INTS1: variants seen among roughly 807,000 people sequenced by gnomAD.
INTS1 encodes the protein integrator complex subunit 1.
Under a neutral mutation model 241.6 loss-of-function variants are expected in INTS1, and 137 were observed. The observed-to-expected ratio is 0.57, with a 90% CI of 0.49 to 0.65. The LOEUF is 0.65. Ranked by LOEUF, INTS1 falls within the 30% of genes least tolerant of loss-of-function variation. The pLI is 0.00. For missense variants in INTS1, 3,073 were observed against 3,032.2 expected, an observed-to-expected ratio of 1.01 and a Z score of -0.32; for synonymous variants, 1,692 against 1,337.8, an observed-to-expected ratio of 1.26 and a Z score of -5.78.
rs755457343 is a variant in INTS1, at chr7:1,492,966, G to A, written c.2165+44C>T. On this transcript the variant is annotated intron_variant, in intron 16 of 47. Transcript: ENST00000404767. The stretch of plus-strand genomic sequence containing the variant: ...CCCGGGTGGGAGTGGGGAGCGGGGC[G>A]CGGGCTTACCCGGGCGGGAGTGGGG... 2.6e-5 allele frequency: 39 copies of A among 1,484,812 alleles called. 1 individual carries two copies. The highest frequency in any genetic ancestry group is 1.0e-4 in the Admixed American group (6 of 58,818). 92.0% of individuals were successfully genotyped at this position (1,484,812 alleles called of 1,614,324 possible).
intron 45 of INTS1, 54 bp from the exon 46 acceptor site, chr7:1,471,278 G>A (rs1418056053): frequency 1.3e-6 from 2 of 1,512,478 alleles, no homozygotes. Flanking sequence ...CCCCCATCAA[G>A]GCCCCTTCAC....
At chr7:1,475,802 CCCACAGGG>C in intron 39 of INTS1, 138 bp downstream of exon 39, 1 of 1,041,936 alleles carries the variant, frequency 9.6e-7, no homozygotes, top group Non-Finnish European at 1.4e-6. Context: ...CGCAGACAAA[CCCACAGGG>C]CCACAGGGCG....
rs766568289 is a variant in INTS1, at chr7:1,499,933, A to T, written c.635T>A (p.Leu212His). The T allele has an allele frequency of 6.2e-7, 1 of 1,613,690 alleles. No individual in the cohort carries two copies. The highest frequency in any genetic ancestry group is 8.5e-7 in the Non-Finnish European group (1 of 1,179,830). ...SLVSVLACNL[L>H]MAAYEEDENW... ...CTCGTCCTCCTCGTAGGCGGCCATG[A>T]GGAGGTTACAGGCCAGCACAGACAC... The change falls in exon 5 of 48, where the codon CTC (leucine) becomes CAC (histidine). Residue 212 changes from leucine (L) to histidine (H), a missense_variant. By Grantham distance (99) the Leu-to-His change is moderately conservative. Transcript: ENST00000404767.
intron 12 of INTS1, 33 bp from the exon 13 acceptor site, chr7:1,495,586 G>T (rs780087135): frequency 4.5e-5 from 72 of 1,592,754 alleles, no homozygotes; most frequent in Non-Finnish European, 6.1e-5. Flanking sequence ...TGGCCCATCC[G>T]AGCCATGGGC....
chr7:1,497,451 G>A lies in INTS1; in HGVS notation c.1426-137C>T. 1.2e-6 allele frequency: 1 copy of A among 842,364 alleles called. No individual in the cohort carries two copies. The highest frequency in any genetic ancestry group is 1.8e-6 in the Non-Finnish European group (1 of 567,526). The allele number at this position is 842,364 out of a possible 1,614,324, so 52.2% of individuals were successfully genotyped here. The stretch of plus-strand genomic sequence containing the variant: ...AGACAGTGTGGGGTGCGGGGTGGCG[G>A]GCTCCTTGCTCTACTGGCTGCCAGC... On this transcript the variant is annotated intron_variant, in intron 10 of 47. Coordinates refer to ENST00000404767, the MANE Select transcript of INTS1 (RefSeq NM_001080453.3). The surrounding 1 kb of genome is among the most constrained non-coding windows in gnomAD (Gnocchi z 5.3).
Position 1,481,325 on chromosome 7 carries a change from G to A in INTS1, c.3850+17C>T, listed in dbSNP as rs1781984127. 8 of 1,612,476 alleles carry A rather than the reference G, an allele frequency of 5.0e-6. No homozygotes were observed. The highest frequency in any genetic ancestry group is 1.7e-5 in the Admixed American group (1 of 59,956). On this transcript the variant is annotated intron_variant, in intron 28 of 47. Transcript: ENST00000404767. This position sits in a 1 kb window ranked among gnomAD's most constrained non-coding sequence, Gnocchi z 6.8. ...TCAGCGTGTGTGAACCCACTCCGCAGGTCCCTGGCATCTTACTCTTGTCCA... is the reference window on the plus strand; with the variant it reads ...TCAGCGTGTGTGAACCCACTCCGCAAGTCCCTGGCATCTTACTCTTGTCCA...
At position 1,476,347 on chromosome 7, in the gene INTS1, C is replaced by T. The variant is rs753639397; in HGVS notation, c.5260G>A (p.Ala1754Thr). 2.7e-5 allele frequency: 42 copies of T among 1,578,838 alleles called. No individual in the cohort carries two copies. The highest frequency in any genetic ancestry group is 1.7e-4 in the Middle Eastern group (1 of 6,044). The stretch of plus-strand genomic sequence containing the variant: ...AGCCGGGCCTGGATGAGGCTGCAGG[C>T]GGCTGTGTCCCCGTCCTGGCTCCGC... The part of the protein sequence containing the change: ...ETRSQDGDTA[A>T]CSLIQARLPL... The change falls in exon 38 of 48, where the codon GCC (alanine) becomes ACC (threonine). Residue 1754 changes from alanine to threonine, a missense_variant. Physicochemically the swap from Ala to Thr is moderately conservative, Grantham distance 58 (BLOSUM62 0). Coordinates refer to ENST00000404767, the MANE Select transcript of INTS1 (RefSeq NM_001080453.3).
At chr7:1,494,592 T>G in intron 14 of INTS1, 4 of 590,248 alleles carry the variant, frequency 6.8e-6, no homozygotes, top group South Asian at 3.9e-5. Context: ...GGGCTTGGAG[T>G]CACGTGGACG....
At chr7:1,501,872 A>T (rs768811140) in intron 3 of INTS1, among the ~76,000 whole-genome samples, 1 of 152,162 alleles carries the variant, frequency 6.6e-6, no homozygotes, top group African/African-American at 2.4e-5. Flanking sequence ...TGCCCAGGCC[A>T]GGCCAGGCCT....
chr7:1,496,087 G>C (rs2128542837), intron 12 of INTS1, 69 bp downstream of exon 12: 1 of 1,264,988 alleles, frequency 7.9e-7, no homozygotes, highest in East Asian at 2.4e-5. Flanking sequence ...CAGCCTCGGA[G>C]AGCCGCCAGC....
intron 16 of INTS1, 55 bp from the exon 17 acceptor site, chr7:1,489,737 G>GA: frequency 1.5e-6 from 2 of 1,304,542 alleles, no homozygotes; most frequent in Non-Finnish European, 2.1e-6. Flanking sequence ...CAGCGCCAAG[G>GA]ATCGGCCGGG....
rs1243490814 is a variant in INTS1 at position 1,497,495 on chromosome 7, A to C, written c.1426-181T>G. ...TGCCAGCCCTTGGCGAGCAGGGATCACATCTGATTCCCCTCTCTGAGAACC... is the reference window on the plus strand; with the variant it reads ...TGCCAGCCCTTGGCGAGCAGGGATCCCATCTGATTCCCCTCTCTGAGAACC... On this transcript the variant is annotated intron_variant, in intron 10 of 47. Transcript: ENST00000404767. This position sits in a 1 kb window ranked among gnomAD's most constrained non-coding sequence, Gnocchi z 5.3. Among the ~76,000 whole-genome samples, 1 of 152,150 alleles carries C rather than the reference A, an allele frequency of 6.6e-6. No individual in the cohort carries two copies. Among genetic ancestry groups the C allele is most frequent in the South Asian group, 2.1e-4 (1 of 4,834 alleles).
At position 1,476,635 on chromosome 7, in the gene INTS1, C is replaced by T; in HGVS notation, c.5086G>A (p.Asp1696Asn). ...ACATGGATGCAGGCCCAGAGGAAGT[C>T]CAGAGAGGCAGAGGGGTCGAACCTG... ...EQRFDPSASL[D>N]FLWACIHVPR... Residue 1696 changes from aspartate (D) to asparagine (N), a missense_variant, in exon 37 of 48, where the codon GAC becomes AAC. Asp to Asn is a conservative substitution (Grantham distance 23). Coordinates refer to ENST00000404767, the MANE Select transcript of INTS1 (RefSeq NM_001080453.3). 6.2e-7 allele frequency: 1 copy of T among 1,612,564 alleles called. No individual in the cohort carries two copies. Among genetic ancestry groups the T allele is most frequent in the Non-Finnish European group, 8.5e-7 (1 of 1,179,890 alleles).
chr7:1,478,811 G>T lies in INTS1; in HGVS notation c.4404C>A (p.Asp1468Glu), dbSNP rs761803891. 5 of 1,608,458 alleles carry T rather than the reference G, an allele frequency of 3.1e-6. No individual in the cohort carries two copies. The highest frequency in any genetic ancestry group is 4.2e-6 in the Non-Finnish European group (5 of 1,178,178). ...GGGGCCCGCCCTCCACGCCAGGGCTGTCCAGCCACTGCAGCATCTGCAGGA... is the reference window on the plus strand; with the variant it reads ...GGGGCCCGCCCTCCACGCCAGGGCTTTCCAGCCACTGCAGCATCTGCAGGA... ...KVLLQMLQWLDSPGVEGGPLR... is the reference protein window; with the variant it reads ...KVLLQMLQWLESPGVEGGPLR... Residue 1468 changes from aspartate (D) to glutamate (E), a missense_variant, in exon 32 of 48, where the codon GAC becomes GAA. Transcript: ENST00000404767.
intron 8 of INTS1, 45 bp downstream of exon 8, chr7:1,498,930 G>GGCCCCCCCCCCCCCC: frequency 2.1e-6 from 3 of 1,460,152 alleles, no homozygotes; most frequent in Non-Finnish European, 2.8e-6. Context: ...CACAGAGCCT[G>GGCCCCCCCCCCCCCC]CCCCCACCCC....
At chr7:1,496,111 C>T (rs1169422934) in intron 12 of INTS1, 45 bp downstream of exon 12, 1 of 1,514,056 alleles carries the variant, frequency 6.6e-7, no homozygotes, top group Admixed American at 1.7e-5. Context: ...CAGCCTGGAC[C>T]CGAGACCCCC....
At chr7:1,471,019 C>A in intron 46 of INTS1, 64 bp from the exon 47 acceptor site, 1 of 1,518,210 alleles carries the variant, frequency 6.6e-7, no homozygotes, top group Non-Finnish European at 8.9e-7. Context: ...CCCCACCCGA[C>A]AGGGCGAGCT....
chr7:1,495,924 G>A (rs1782826535), intron 12 of INTS1, among the ~76,000 whole-genome samples: 1 of 152,186 alleles, frequency 6.6e-6, no homozygotes, highest in Non-Finnish European at 1.5e-5. Context: ...GGCCAGAACT[G>A]GAGCACACAA....
chr7:1,497,545 G>A lies in INTS1; in HGVS notation c.1426-231C>T, dbSNP rs1291323477. On this transcript the variant is annotated intron_variant, in intron 10 of 47. Transcript: ENST00000404767. This position sits in a 1 kb window ranked among gnomAD's most constrained non-coding sequence, Gnocchi z 5.3. ...CGGCAGGTGGGGAGTCGGTCCTCGT[G>A]AAATGAGGAGGATTAATTAACGGAA... Among the ~76,000 whole-genome samples the A allele has an allele frequency of 1.3e-5, 2 of 152,166 alleles. No homozygotes were observed. The highest frequency in any genetic ancestry group is 6.5e-5 in the Admixed American group (1 of 15,282).
Sources: gnomAD v4.1 joint callset for allele counts (sites outside exome capture counted in the v4.1 genomes callset) on GRCh38, gnomAD v4.1.1 for gene constraint, Gnocchi (gnomAD v3.1) non-coding constraint, MANE v1.5 for transcripts, NCBI Gene and HGNC (gene_info 2026-07-23, HGNC 2026-07-21) for gene names.